Variants in NDUFAF6 observed in about 807,000 individuals in gnomAD.
The protein encoded by NDUFAF6 is NADH dehydrogenase (ubiquinone) complex I, assembly factor 6.
In NDUFAF6, 45 loss-of-function variants were observed where a neutral mutation model predicts 40.8. That is an observed-to-expected ratio of 1.10 (90% confidence interval 0.87 to 1.42). NDUFAF6 has a LOEUF of 1.42. NDUFAF6 is among the 40% of genes most tolerant of loss of function. NDUFAF6 has a pLI of 0.00. For missense variants in NDUFAF6, 435 were observed against 418.5 expected (o/e 1.04, Z -0.34); for synonymous variants, 185 against 155.9 (o/e 1.19, Z -1.39).
intron 1 of NDUFAF6, among the ~76,000 whole-genome samples, chr8:94,945,174 G>A (rs1821881452): frequency 6.6e-6 from 1 of 152,154 alleles, no homozygotes; most frequent in African/African-American, 2.4e-5. Flanking sequence ...AACAGTTAGG[G>A]TATGAATCTA....
chr8:94,980,378 A>G (rs909265552), intron 1 of NDUFAF6, among the ~76,000 whole-genome samples: 12 of 151,374 alleles, frequency 7.9e-5, no homozygotes, highest in Admixed American at 7.9e-4. Flanking sequence ...GTATCCCAAG[A>G]AAGGTGTGAC....
At chr8:94,905,109 A>C (rs1351223870) in intron 1 of NDUFAF6, among the ~76,000 whole-genome samples, 1 of 152,130 alleles carries the variant, frequency 6.6e-6, no homozygotes, top group East Asian at 1.9e-4. Flanking sequence ...TTGAGGCAGG[A>C]GAATCGCTTG....
intron 2 of NDUFAF6, among the ~76,000 whole-genome samples, chr8:94,997,353 G>GAGAGAC (rs1826497743): frequency 6.7e-6 from 1 of 150,242 alleles, no homozygotes; most frequent in African/African-American, 2.4e-5. Context: ...CAGAGAGAGA[G>GAGAGAC]AGAGAGAGAG....
chr8:95,000,953 AC>A (rs1826702241), intron 2 of NDUFAF6, among the ~76,000 whole-genome samples: 1 of 134,334 alleles, frequency 7.4e-6, no homozygotes, highest in South Asian at 2.3e-4. Context: ...GCTTCCCCTT[AC>A]TTTTTTTTTT....
intron 1 of NDUFAF6, chr8:94,926,980 A>C (rs1035722177): frequency 6.6e-6 from 1 of 152,248 alleles, no homozygotes; most frequent in African/African-American, 2.4e-5. Flanking sequence ...CCCACTTTTA[A>C]CAGAGTTTAA....
At chr8:95,102,099 G>A (rs528292709) in intron 2 of NDUFAF6, among the ~76,000 whole-genome samples, 8 of 152,282 alleles carry the variant, frequency 5.3e-5, no homozygotes, top group Admixed American at 1.3e-4. Flanking sequence ...CCGGGTTCAA[G>A]TGATTCTCCT....
chr8:94,899,177 G>T (rs912768009), intron 1 of NDUFAF6, among the ~76,000 whole-genome samples: 1 of 152,172 alleles, frequency 6.6e-6, no homozygotes, highest in African/African-American at 2.4e-5. Flanking sequence ...GGGATTACAG[G>T]CATGAGCCAC....
intron 2 of NDUFAF6, chr8:95,034,153 C>T (rs1266408958): frequency 2.2e-6 from 1 of 445,996 alleles, no homozygotes; most frequent in Admixed American, 2.5e-5. Context: ...ACTCATGACC[C>T]TGTTGTTAAT....
At chr8:94,960,952 TA>T (rs2131476605) in intron 1 of NDUFAF6, among the ~76,000 whole-genome samples, 1 of 152,346 alleles carries the variant, frequency 6.6e-6, no homozygotes, top group South Asian at 2.1e-4. Flanking sequence ...GATTGCTCTA[TA>T]ATTATTACCC....
intron 1 of NDUFAF6, among the ~76,000 whole-genome samples, chr8:94,899,613 T>G (rs973216406): frequency 2.6e-5 from 4 of 152,238 alleles, no homozygotes; most frequent in African/African-American, 9.6e-5. Context: ...AGAGTCTGAC[T>G]CCAGCTCACC....
At chr8:95,036,183 G>T in intron 3 of NDUFAF6, 1 of 697,312 alleles carries the variant, frequency 1.4e-6, no homozygotes. Context: ...TAGTAAAGCA[G>T]CTGTATGGAT....
chr8:95,046,759 G>A (rs1388781499), intron 5 of NDUFAF6, among the ~76,000 whole-genome samples: 1 of 152,188 alleles, frequency 6.6e-6, no homozygotes, highest in Non-Finnish European at 1.5e-5. Context: ...TTCTTAGTGT[G>A]CTGTAGTCTG....
intron 1 of NDUFAF6, among the ~76,000 whole-genome samples, chr8:94,897,582 TG>T (rs1817719319): frequency 1.3e-5 from 2 of 152,132 alleles, no homozygotes; most frequent in Non-Finnish European, 2.9e-5. Context: ...CATGCTTCTC[TG>T]GGGTAACTAT....
intron 2 of NDUFAF6, among the ~76,000 whole-genome samples, chr8:95,001,409 T>G (rs981573140): frequency 9.2e-5 from 14 of 152,156 alleles, no homozygotes; most frequent in Admixed American, 3.3e-4. Flanking sequence ...AGAGCTAGTT[T>G]AATCCAGGAG....
At chr8:94,965,687 G>A (rs1157456973) in intron 1 of NDUFAF6, among the ~76,000 whole-genome samples, 1 of 152,168 alleles carries the variant, frequency 6.6e-6, no homozygotes, top group Non-Finnish European at 1.5e-5. Context: ...CGGAATGATG[G>A]CAAATGACAG....
At chr8:95,091,957 T>A (rs987977244) in intron 2 of NDUFAF6, among the ~76,000 whole-genome samples, 1 of 151,292 alleles carries the variant, frequency 6.6e-6, no homozygotes, top group Non-Finnish European at 1.5e-5. Flanking sequence ...TTTACCTCCA[T>A]TATATAATAT....
downstream of NDUFAF6, among the ~76,000 whole-genome samples, chr8:95,063,172 A>G (rs1216851804): frequency 2.6e-5 from 4 of 152,364 alleles, no homozygotes; most frequent in South Asian, 8.3e-4. Context: ...TATTTTGTGT[A>G]TATCCTAATG....
intron 2 of NDUFAF6, among the ~76,000 whole-genome samples, chr8:94,999,022 GTA>G (rs1163594604): frequency 6.6e-6 from 1 of 151,772 alleles, no homozygotes; most frequent in East Asian, 1.9e-4. Flanking sequence ...ACCACACAGT[GTA>G]TATGTGTGTT....
At chr8:95,099,591 AAAAGAAAAAG>A (rs1478946689), upstream of NDUFAF6, among the ~76,000 whole-genome samples, 4 of 152,132 alleles carry the variant, frequency 2.6e-5, no homozygotes, top group East Asian at 3.8e-4. Context: ...AAATTAAAAA[AAAAGAAAAAG>A]AAAGAAAAAG....
Sources: allele counts gnomAD v4.1 joint callset (sites outside exome capture counted in the v4.1 genomes callset), GRCh38; gene constraint gnomAD v4.1.1; transcripts MANE v1.5; gene names NCBI Gene and HGNC (gene_info 2026-07-23, HGNC 2026-07-21).